The following ABCA13 variants were observed in gnomAD, a reference collection of about 807,000 sequenced individuals.
ABCA13 encodes the protein ATP-binding cassette sub-family A member 13.
A neutral mutation model predicts 478.7 loss-of-function variants in ABCA13; 476 were observed. That is an observed-to-expected ratio of 0.99 (90% CI 0.92 to 1.07). ABCA13 has a LOEUF of 1.07. Ranked by LOEUF, ABCA13 falls within the 50% of genes least tolerant of loss-of-function variation. The pLI, the probability that ABCA13 is intolerant of heterozygous loss-of-function variation, is 0.00. For synonymous variants in ABCA13, 2,252 were observed against 2,158.9 expected, an observed-to-expected ratio of 1.04 and a Z score of -1.20; for missense variants, 6,060 against 5,910.6, an observed-to-expected ratio of 1.03 and a Z score of -0.83.
intron 3 of ABCA13, among the ~76,000 whole-genome samples, chr7:48,210,556 T>A (rs968307428): frequency 6.6e-5 from 10 of 152,252 alleles, no homozygotes; most frequent in Admixed American, 2.6e-4. Flanking sequence ...GATTTTTTTT[T>A]AAACAATTTT....
chr7:48,338,459 A>C lies in ABCA13; in HGVS notation c.10204+4A>C. 3 of 1,583,002 alleles carry C rather than the reference A, an allele frequency of 1.9e-6. No individual in the cohort carries two copies. Among genetic ancestry groups the C allele is most frequent in the Non-Finnish European group, 2.6e-6 (3 of 1,163,414 alleles). On this transcript the variant is annotated splice_donor_region_variant and intron_variant, in intron 29 of 61. Transcript: ENST00000435803. ...ACTGAAAAACTCCAGACATACGGTA[A>C]GTGTGCTGATGGGCATGGTAGTGTT...
At chr7:48,230,968 A>G (rs1471636742) in intron 7 of ABCA13, among the ~76,000 whole-genome samples, 1 of 152,172 alleles carries the variant, frequency 6.6e-6, no homozygotes, top group African/African-American at 2.4e-5. Context: ...GAATGCATGG[A>G]CACAGGGAGG....
chr7:48,186,983 A>G (rs1206940388), intron 1 of ABCA13, among the ~76,000 whole-genome samples: 1 of 149,366 alleles, frequency 6.7e-6, no homozygotes, highest in Non-Finnish European at 1.5e-5. Context: ...GAATATGTAT[A>G]TATCTGTGTG....
intron 58 of ABCA13, among the ~76,000 whole-genome samples, chr7:48,605,772 T>G (rs114738091): frequency 0.042 from 6,393 of 152,238 alleles, 430 homozygotes; most frequent in African/African-American, 0.15. Flanking sequence ...TTCCTAGGTT[T>G]GTGAAGTTCT....
At chr7:48,620,782 A>G (rs1294349545) in intron 59 of ABCA13, among the ~76,000 whole-genome samples, 1 of 152,176 alleles carries the variant, frequency 6.6e-6, no homozygotes, top group African/African-American at 2.4e-5. Context: ...TGTATGAAGT[A>G]GGAGGATGTC....
intron 38 of ABCA13, among the ~76,000 whole-genome samples, chr7:48,394,983 G>A (rs189687633): frequency 6.6e-5 from 10 of 152,298 alleles, no homozygotes; most frequent in Non-Finnish European, 1.2e-4. Context: ...TGAGCAGCAG[G>A]CTACAGGATG....
At chr7:48,412,268 G>T in intron 40 of ABCA13, 85 bp from the exon 41 acceptor site, 1 of 980,684 alleles carries the variant, frequency 1.0e-6, no homozygotes, top group South Asian at 1.8e-5. Flanking sequence ...GAAATAATTT[G>T]CTTATGGATA....
intron 59 of ABCA13, among the ~76,000 whole-genome samples, chr7:48,633,182 A>G (rs1330799581): frequency 3.3e-5 from 5 of 152,220 alleles, no homozygotes; most frequent in African/African-American, 4.8e-5. Flanking sequence ...TGGCATCCAG[A>G]AGATAGATAG....
Position 48,372,172 on chromosome 7 carries a change from T to C in ABCA13, c.10808T>C (p.Met3603Thr), listed in dbSNP as rs542082373. Residue 3603 changes from methionine to threonine, a missense_variant, in exon 33 of 62, where the codon ATG becomes ACG. Transcript: ENST00000435803. Reference protein sequence around the residue: ...YEQEIQIEEYMRMMGVHPVIH... With the variant: ...YEQEIQIEEYTRMMGVHPVIH... The stretch of plus-strand genomic sequence containing the variant: ...GGTTTTTTCTCTTTTTGGTAGTATA[T>C]GCGGATGATGGGAGTGCATCCAGTG... 115 of 1,611,866 alleles carry C rather than the reference T, an allele frequency of 7.1e-5. 1 individual carries two copies. The South Asian group carries it at 1.2e-3, about 17-fold the overall frequency.
intron 59 of ABCA13, among the ~76,000 whole-genome samples, chr7:48,641,513 T>A (rs1393373787): frequency 6.6e-6 from 1 of 152,214 alleles, no homozygotes; most frequent in African/African-American, 2.4e-5. Flanking sequence ...GATACTATAA[T>A]TAATCTATTT....
chr7:48,593,567 G>A (rs1430378172), intron 57 of ABCA13, among the ~76,000 whole-genome samples: 1 of 151,932 alleles, frequency 6.6e-6, no homozygotes, highest in Non-Finnish European at 1.5e-5. Flanking sequence ...AAGCATTAAA[G>A]TATGCTGAAT....
At chr7:48,452,225 T>C (rs1825132673) in intron 42 of ABCA13, among the ~76,000 whole-genome samples, 1 of 152,208 alleles carries the variant, frequency 6.6e-6, no homozygotes, top group South Asian at 2.1e-4. Context: ...GGCAGTTTAA[T>C]AACTGTTCTA....
Position 48,387,809 on chromosome 7 carries a change from T to C in ABCA13, c.11336-13T>C. 3 of 1,536,930 alleles carry C rather than the reference T, an allele frequency of 2.0e-6. No homozygotes were observed. The highest frequency in any genetic ancestry group is 2.4e-5 in the East Asian group (1 of 42,448). ...TAAAAAATTAAACTAATTTTAATTGTTTCATTTTTTAGGAACATTTGGTTT... is the reference window on the plus strand; with the variant it reads ...TAAAAAATTAAACTAATTTTAATTGCTTCATTTTTTAGGAACATTTGGTTT... On this transcript the variant is annotated splice_polypyrimidine_tract_variant and intron_variant, in intron 35 of 61. Transcript: ENST00000435803.
chr7:48,532,996 T>G (rs902582714), intron 55 of ABCA13, among the ~76,000 whole-genome samples: 1 of 152,050 alleles, frequency 6.6e-6, no homozygotes, highest in African/African-American at 2.4e-5. Flanking sequence ...TTGTTTAAAT[T>G]TCATTTCATT....
rs752001555 is a variant in ABCA13 at position 48,272,920 on chromosome 7, A to C, written c.3254A>C (p.Gln1085Pro). Residue 1085 changes from glutamine (Q) to proline (P), a missense_variant, in exon 17 of 62, where the codon CAA (glutamine) becomes CCA (proline). Transcript: ENST00000435803. ...ATTTCTTTATTTCAATATATGAGCC[A>C]ATTCTTCAACAGTTCAGTAGAAGAC... ...FRISLFQYMS[Q>P]FFNSSVEDLL... 14 of 1,612,696 alleles carry C rather than the reference A, an allele frequency of 8.7e-6. No individual in the cohort carries two copies. Among genetic ancestry groups the C allele is most frequent in the African/African-American group, 1.3e-5 (1 of 74,912 alleles).
chr7:48,545,351 C>T (rs951345888), intron 55 of ABCA13, among the ~76,000 whole-genome samples: 1 of 151,666 alleles, frequency 6.6e-6, no homozygotes, highest in Admixed American at 6.6e-5. Context: ...AAAATCTCCC[C>T]TGGAATTTTG....
At chr7:48,232,172 T>C (rs1254604522) in intron 7 of ABCA13, among the ~76,000 whole-genome samples, 1 of 146,574 alleles carries the variant, frequency 6.8e-6, no homozygotes, top group Admixed American at 6.8e-5. Flanking sequence ...TTTAGCTTTC[T>C]GTAAGAGAAA....
At chr7:48,416,298 G>T (rs4147298) in intron 41 of ABCA13, among the ~76,000 whole-genome samples, 60,468 of 151,946 alleles carry the variant, frequency 0.4, 12,370 homozygotes, top group East Asian at 0.52. Flanking sequence ...GTCTTAAATA[G>T]GAGGAATTCT....
chr7:48,499,174 A>G (rs1997238), intron 48 of ABCA13, among the ~76,000 whole-genome samples: 56,014 of 151,960 alleles, frequency 0.37, 12,266 homozygotes, highest in Middle Eastern at 0.5. Context: ...TTTTTTCAGG[A>G]TAGATTGATG....
Sources: gnomAD v4.1 joint callset for allele counts (sites outside exome capture counted in the v4.1 genomes callset) on GRCh38, gnomAD v4.1.1 for gene constraint, MANE v1.5 for transcripts, NCBI Gene and HGNC (gene_info 2026-07-23, HGNC 2026-07-21) for gene names.